The following SLC17A1 variants were observed in gnomAD, a reference collection of about 807,000 sequenced individuals.
SLC17A1 encodes the protein solute carrier family 17 member 1.
Under a neutral mutation model 53.5 loss-of-function variants are expected in SLC17A1, and 51 were observed. That is an observed-to-expected ratio of 0.95 (90% CI 0.76 to 1.20). The LOEUF (loss-of-function observed/expected upper bound fraction) is 1.20, where lower values mean the gene tolerates loss of function less well. Among genes scored for constraint, SLC17A1 ranks in the 50% most tolerant of loss-of-function variants. The pLI, the probability that SLC17A1 is intolerant of heterozygous loss-of-function variation, is 0.00. For synonymous variants in SLC17A1, 179 were observed against 198.8 expected (o/e 0.90, Z 0.84); for missense variants, 538 against 568.2 (o/e 0.95, Z 0.54).
intron 6 of SLC17A1, among the ~76,000 whole-genome samples, chr6:25,814,777 A>G (rs531410624): frequency 6.6e-6 from 1 of 152,286 alleles, no homozygotes; most frequent in Non-Finnish European, 1.5e-5. Context: ...TGAGGTCAGG[A>G]GTTCATGACC....
chr6:25,803,048 G>A (rs1267785939), intron 10 of SLC17A1, among the ~76,000 whole-genome samples: 2 of 133,356 alleles, frequency 1.5e-5, no homozygotes, highest in African/African-American at 5.6e-5. Context: ...CCAGGTTCAC[G>A]CCATTCTCCT....
intron 10 of SLC17A1, among the ~76,000 whole-genome samples, chr6:25,810,613 G>A (rs1417486366): frequency 1.3e-5 from 2 of 152,044 alleles, no homozygotes; most frequent in Non-Finnish European, 2.9e-5. Context: ...AGTGTTGATG[G>A]GGATGTGGAA....
At chr6:25,770,270 T>C in the SLC17A1 span, 9 of 1,614,134 alleles carry the variant, frequency 5.6e-6, no homozygotes, top group African/African-American at 1.3e-5. Context: ...CCTTGCTCAT[T>C]GTCCTCCGGA....
chr6:25,747,677 T>A, the SLC17A1 span, among the ~76,000 whole-genome samples: 1 of 152,222 alleles, frequency 6.6e-6, no homozygotes, highest in Non-Finnish European at 1.5e-5. Context: ...AGTGCCTTTA[T>A]AAGAAAAGAC....
chr6:25,770,575 T>C, the SLC17A1 span: 5 of 1,071,152 alleles, frequency 4.7e-6, no homozygotes, highest in East Asian at 9.6e-5. Flanking sequence ...TGTGTCTTCA[T>C]AGTCCTTTCC....
chr6:25,761,891 C>A, the SLC17A1 span: 3 of 1,245,158 alleles, frequency 2.4e-6, no homozygotes, highest in Admixed American at 3.8e-5. Flanking sequence ...ATATAAGATT[C>A]TCCCTGTATT....
At chr6:25,760,197 C>T in the SLC17A1 span, among the ~76,000 whole-genome samples, 1 of 152,150 alleles carries the variant, frequency 6.6e-6, no homozygotes, top group African/African-American at 2.4e-5. Context: ...GATAGCAAAG[C>T]GAAGCACATT....
At chr6:25,830,248 CA>C (rs985772753) in intron 2 of SLC17A1, among the ~76,000 whole-genome samples, 1 of 152,076 alleles carries the variant, frequency 6.6e-6, no homozygotes, top group African/African-American at 2.4e-5. Flanking sequence ...GAGATGGAAC[CA>C]AAATAGCCCA....
the SLC17A1 span, chr6:25,725,980 TAAACG>T: frequency 1.4e-6 from 1 of 701,852 alleles, no homozygotes; most frequent in African/African-American, 1.7e-5. Context: ...GAAATGCGCT[TAAACG>T]GGCATTTGTG....
downstream of SLC17A1, chr6:25,778,930 G>A (rs1212796201): frequency 2.4e-6 from 3 of 1,234,862 alleles, no homozygotes; most frequent in Admixed American, 2.1e-5. Flanking sequence ...GACCAACTGG[G>A]AAGCCCATGG....
intron 2 of SLC17A1, among the ~76,000 whole-genome samples, chr6:25,827,822 G>T (rs1003210974): frequency 1.3e-5 from 2 of 152,128 alleles, no homozygotes; most frequent in Non-Finnish European, 2.9e-5. Context: ...AGAAAACTTA[G>T]AATTCTGCCT....
At chr6:25,776,970 C>T in the SLC17A1 span, 1 of 1,600,688 alleles carries the variant, frequency 6.2e-7, no homozygotes, top group Non-Finnish European at 8.5e-7. Context: ...GTAGGGACCT[C>T]TTTTGCCTCA....
At chr6:25,729,519 A>T in the SLC17A1 span, among the ~76,000 whole-genome samples, 1 of 152,298 alleles carries the variant, frequency 6.6e-6, no homozygotes, top group South Asian at 2.1e-4. Context: ...TCTCAGGTCC[A>T]TTTTCTAGAA....
chr6:25,753,708 C>T, the SLC17A1 span, among the ~76,000 whole-genome samples: 3 of 151,936 alleles, frequency 2.0e-5, no homozygotes, highest in Non-Finnish European at 4.4e-5. Flanking sequence ...ATGGGGGATC[C>T]TGGGCCAGGA....
intron 2 of SLC17A1, 148 bp downstream of exon 2, chr6:25,830,376 C>CCATA (rs1764902735): frequency 1.7e-6 from 1 of 578,968 alleles, no homozygotes; most frequent in South Asian, 2.9e-5. Flanking sequence ...TGGTGGAAAA[C>CCATA]CATAGTAGGA....
chr6:25,741,762 A>G, the SLC17A1 span, among the ~76,000 whole-genome samples: 1 of 152,104 alleles, frequency 6.6e-6, no homozygotes, highest in Middle Eastern at 3.4e-3. Flanking sequence ...TTAGCCGAGC[A>G]TGGTTGTGCA....
At chr6:25,780,728 G>A (rs1763248626), downstream of SLC17A1, 1 of 152,168 alleles carries the variant, frequency 6.6e-6, no homozygotes, top group South Asian at 2.1e-4. Context: ...AGCTTACAGT[G>A]TAGTCCAGGA....
At chr6:25,773,875 A>G in the SLC17A1 span, among the ~76,000 whole-genome samples, 1 of 152,186 alleles carries the variant, frequency 6.6e-6, no homozygotes, top group Non-Finnish European at 1.5e-5. Context: ...GGAGGATGAT[A>G]CATATGGTTC....
chr6:25,826,815 A>G (rs1020391814), intron 2 of SLC17A1, among the ~76,000 whole-genome samples, 182 bp from the exon 3 acceptor site: 2 of 152,124 alleles, frequency 1.3e-5, no homozygotes, highest in African/African-American at 4.8e-5. Context: ...ATAATACCAT[A>G]TTCTCCTTAA....
Sources: allele counts gnomAD v4.1 joint callset (sites outside exome capture counted in the v4.1 genomes callset), GRCh38; gene constraint gnomAD v4.1.1; transcripts MANE v1.5; gene names NCBI Gene and HGNC (gene_info 2026-07-23, HGNC 2026-07-21).